SORCS2: variants seen among roughly 807,000 people sequenced by gnomAD.
SORCS2 encodes sortilin related VPS10 domain containing receptor 2.
In SORCS2, 100 loss-of-function variants were observed where a neutral mutation model predicts 141.6. That is an observed-to-expected ratio of 0.71 (90% CI 0.60 to 0.83). The LOEUF (loss-of-function observed/expected upper bound fraction) is 0.83, where lower values mean the gene tolerates loss of function less well. SORCS2 is among the 40% of genes least tolerant of loss of function. SORCS2 has a pLI of 0.00. For missense variants in SORCS2, 1,646 were observed against 1,560.2 expected (o/e 1.05, Z -0.93); for synonymous variants, 789 against 676.9 (o/e 1.17, Z -2.57).
chr4:7,374,142 T>C (rs964769990), intron 1 of SORCS2, among the ~76,000 whole-genome samples: 1 of 138,504 alleles, frequency 7.2e-6, no homozygotes, highest in Admixed American at 7.3e-5. Context: ...TTTCTTTCTT[T>C]CTTTCTTTCT....
At chr4:7,534,366 A>G (rs1194212086) in intron 3 of SORCS2, among the ~76,000 whole-genome samples, 2 of 152,218 alleles carry the variant, frequency 1.3e-5, no homozygotes, top group Non-Finnish European at 2.9e-5. Flanking sequence ...TCTCACCTGT[A>G]AAGGGGACAG....
In SORCS2 at chr4:7,724,633, G is replaced by A. The variant is rs202015892; in HGVS notation, c.2612-521G>A. On this transcript the variant is annotated intron_variant, in intron 19 of 26. Transcript: ENST00000507866. ...AGTGCTGGTGAGGATGGTGATGGTG[G>A]TGATGGTGGAGGTGATGGTGGTAGT... Among the ~76,000 whole-genome samples, 161 of 107,298 alleles carry A rather than the reference G, an allele frequency of 1.5e-3. 11 individuals are homozygous for A. Among genetic ancestry groups the A allele is most frequent in the African/African-American group, 4.6e-3 (134 of 28,890 alleles). The allele number at this position is 107,298 out of a possible 152,430, so 70.4% of individuals were successfully genotyped here.
chr4:7,526,369 C>T lies in SORCS2; in HGVS notation c.549-5161C>T, dbSNP rs550441040. 3.0e-4 allele frequency among the ~76,000 whole-genome samples: 46 copies of T among 152,308 alleles called. 1 individual carries two copies. The South Asian group carries it at 8.9e-3, about 30-fold the overall frequency. On this transcript the variant is annotated intron_variant, in intron 2 of 26. Transcript: ENST00000507866. ...AAGAGAAACAGGTGGCATGGAAAAG[C>T]GTGGAAGGACCTTAATGCTATCACT...
intron 3 of SORCS2, among the ~76,000 whole-genome samples, chr4:7,626,427 G>C (rs1300188169): frequency 6.6e-6 from 1 of 152,146 alleles, no homozygotes; most frequent in Non-Finnish European, 1.5e-5. Context: ...GTACAGACTA[G>C]GAAATGTAGC....
chr4:7,275,502 C>A (rs182217072), intron 1 of SORCS2, among the ~76,000 whole-genome samples: 1 of 152,176 alleles, frequency 6.6e-6, no homozygotes, highest in Non-Finnish European at 1.5e-5. Flanking sequence ...GGTAAAGGGG[C>A]GACTTTGTAG....
chr4:7,681,261 C>T (rs76186244), intron 9 of SORCS2, among the ~76,000 whole-genome samples: 9,138 of 152,180 alleles, frequency 0.06, 407 homozygotes, highest in African/African-American at 0.11. Flanking sequence ...AGTGAGGTTG[C>T]AGAAGGAATT....
intron 2 of SORCS2, among the ~76,000 whole-genome samples, chr4:7,526,611 G>T (rs1012096502): frequency 6.6e-6 from 1 of 152,182 alleles, no homozygotes; most frequent in Non-Finnish European, 1.5e-5. Context: ...TTCTACAGGT[G>T]CCCAGACCCA....
At position 7,267,066 on chromosome 4, in the gene SORCS2, C is replaced by A. The variant is rs543615300; in HGVS notation, c.480+73940C>A. 2.6e-5 allele frequency among the ~76,000 whole-genome samples: 4 copies of A among 152,144 alleles called. No homozygotes were observed. The South Asian group carries it at 6.2e-4, about 24-fold the overall frequency. On this transcript the variant is annotated intron_variant, in intron 1 of 26. Coordinates refer to ENST00000507866, the MANE Select transcript of SORCS2 (RefSeq NM_020777.3). The stretch of plus-strand genomic sequence containing the variant: ...TGGTACCAGCCTGGATCGCTGCAGC[C>A]CCCACAAAGCACGAAATAGTTTCTC...
chr4:7,568,687 C>G (rs1445884034), intron 3 of SORCS2, among the ~76,000 whole-genome samples: 2 of 152,180 alleles, frequency 1.3e-5, no homozygotes, highest in Non-Finnish European at 2.9e-5. Context: ...CACTGTGTTT[C>G]CCTCAAAAAC....
chr4:7,483,638 C>T lies in SORCS2; in HGVS notation c.549-47892C>T, dbSNP rs143818544. 1.1e-3 allele frequency among the ~76,000 whole-genome samples: 167 copies of T among 152,164 alleles called. 1 individual carries two copies. Among genetic ancestry groups the T allele is most frequent in the Non-Finnish European group, 9.3e-4 (63 of 68,018 alleles). On this transcript the variant is annotated intron_variant, in intron 2 of 26. Coordinates refer to ENST00000507866, the MANE Select transcript of SORCS2 (RefSeq NM_020777.3). ...CACCTACTGTACATGGGGTCCCAGGCCAGCAATGCCCACGTGTCTTCCAAG... is the reference window on the plus strand; with the variant it reads ...CACCTACTGTACATGGGGTCCCAGGTCAGCAATGCCCACGTGTCTTCCAAG...
intron 1 of SORCS2, chr4:7,381,989 G>T (rs1723018875): frequency 1.0e-6 from 1 of 985,728 alleles, no homozygotes; most frequent in Non-Finnish European, 1.2e-6. Flanking sequence ...GAGGAAACAG[G>T]CAGGTGAACA....
At chr4:7,657,499 GTAAA>G (rs60686745) in intron 5 of SORCS2, among the ~76,000 whole-genome samples, 85,906 of 149,550 alleles carry the variant, frequency 0.57, 28,213 homozygotes, top group Non-Finnish European at 0.74. Context: ...GAATGAATGA[GTAAA>G]TGAATGAGTA....
At chr4:7,692,829 G>T (rs1341995258) in intron 11 of SORCS2, among the ~76,000 whole-genome samples, 1 of 152,184 alleles carries the variant, frequency 6.6e-6, no homozygotes, top group African/African-American at 2.4e-5. Flanking sequence ...GGGTGGAGGT[G>T]GGGGAGTGCC....
At position 7,286,817 on chromosome 4, in the gene SORCS2, C is replaced by A. The variant is rs370944449; in HGVS notation, c.480+93691C>A. Among the ~76,000 whole-genome samples, 20 of 152,304 alleles carry A rather than the reference C, an allele frequency of 1.3e-4. No homozygotes were observed. Among genetic ancestry groups the A allele is most frequent in the East Asian group, 7.7e-4 (4 of 5,170 alleles). On this transcript the variant is annotated intron_variant, in intron 1 of 26. Coordinates refer to ENST00000507866, the MANE Select transcript of SORCS2 (RefSeq NM_020777.3). The surrounding 1 kb of genome is among the most constrained non-coding windows in gnomAD (Gnocchi z 4.1). ...GCGTCTTGGGTCCCAGACCGTGGAA[C>A]CTGGGTGCTGCTTTTCAGGGTACAG...
At chr4:7,426,653 G>T (rs1279418004) in intron 2 of SORCS2, among the ~76,000 whole-genome samples, 2 of 152,120 alleles carry the variant, frequency 1.3e-5, no homozygotes, top group East Asian at 3.9e-4. Flanking sequence ...GGGCCCTGGG[G>T]TGTGCTCGAT....
chr4:7,574,132 T>C (rs1400752678), intron 3 of SORCS2, among the ~76,000 whole-genome samples: 1 of 152,278 alleles, frequency 6.6e-6, no homozygotes, highest in Admixed American at 6.5e-5. Context: ...GTTTCCTTGT[T>C]CTCAGTCAGT....
At chr4:7,479,526 G>A (rs776592539) in intron 2 of SORCS2, among the ~76,000 whole-genome samples, 2 of 152,236 alleles carry the variant, frequency 1.3e-5, no homozygotes, top group Non-Finnish European at 2.9e-5. Context: ...TGAGGCATTA[G>A]CCCCTTCTGC....
intron 1 of SORCS2, among the ~76,000 whole-genome samples, chr4:7,289,344 T>C (rs1280248518): frequency 6.6e-6 from 1 of 152,176 alleles, no homozygotes; most frequent in African/African-American, 2.4e-5. Flanking sequence ...ATTTCACAGC[T>C]TGGAGCCCAC....
At chr4:7,712,377 A>C (rs146912534) in intron 14 of SORCS2, among the ~76,000 whole-genome samples, 2 of 152,192 alleles carry the variant, frequency 1.3e-5, no homozygotes, top group African/African-American at 4.8e-5. Flanking sequence ...CAATGCAAGG[A>C]CCACTGTGGG....
Sources: gnomAD v4.1 joint callset for allele counts (sites outside exome capture counted in the v4.1 genomes callset) on GRCh38, gnomAD v4.1.1 for gene constraint, Gnocchi (gnomAD v3.1) non-coding constraint, MANE v1.5 for transcripts, NCBI Gene and HGNC (gene_info 2026-07-23, HGNC 2026-07-21) for gene names.